The following P3H2 variants were observed in gnomAD, a reference collection of about 807,000 sequenced individuals.
The protein encoded by P3H2 is prolyl 3-hydroxylase 2.
A neutral mutation model predicts 87.0 loss-of-function variants in P3H2; 80 were observed. The observed-to-expected ratio is 0.92, with a 90% CI of 0.77 to 1.11. The LOEUF (loss-of-function observed/expected upper bound fraction) is 1.11. P3H2 is among the 50% of genes least tolerant of loss of function. The pLI, the probability that P3H2 is intolerant of heterozygous loss-of-function variation, is 0.00. For missense variants in P3H2, 1,001 were observed against 923.9 expected (o/e 1.08, Z -1.08); for synonymous variants, 367 against 359.3 (o/e 1.02, Z -0.24).
At chr3:189,969,493 G>C in intron 13 of P3H2, 1 of 971,972 alleles carries the variant, frequency 1.0e-6, no homozygotes, top group South Asian at 1.3e-5. Flanking sequence ...CATCATAGAG[G>C]GACTGAGGTC....
chr3:190,107,264 C>A (rs559416281), intron 1 of P3H2, among the ~76,000 whole-genome samples: 13 of 152,252 alleles, frequency 8.5e-5, no homozygotes, highest in African/African-American at 3.1e-4. Context: ...GATGGATATA[C>A]ATTTATACCT....
intron 1 of P3H2, among the ~76,000 whole-genome samples, chr3:190,085,428 T>C (rs1412137080): frequency 6.6e-6 from 1 of 152,202 alleles, no homozygotes; most frequent in Non-Finnish European, 1.5e-5. Context: ...GAATGGAGAA[T>C]AGAAATGTTG....
At chr3:189,963,803 T>A (rs552663354) in intron 14 of P3H2, 155 bp downstream of exon 14, 1 of 764,500 alleles carries the variant, frequency 1.3e-6, no homozygotes, top group South Asian at 1.5e-5. Flanking sequence ...TTGACACAGC[T>A]ATTTCTACAA....
intron 9 of P3H2, 95 bp from the exon 10 acceptor site, chr3:189,974,099 T>C: frequency 1.0e-6 from 1 of 970,898 alleles, no homozygotes; most frequent in Non-Finnish European, 1.7e-6. Context: ...AGAACTCTAG[T>C]CAATGCTAAG....
rs1239246279 is a variant in P3H2 at position 190,120,667 on chromosome 3, A to G, written c.65T>C (p.Leu22Pro). ...TGGGCTGTCCGGGGGGCCGCCCCAC[A>G]GTGGCGGCGGCAGTAGCAGCGGCAG... The part of the protein sequence containing the change: ...LLLPLLLPPP[L>P]WGGPPDSPRR... The change falls in exon 1 of 15, where the codon CTG becomes CCG. Residue 22 changes from leucine (L) to proline (P), a missense_variant. Transcript: ENST00000319332. 3 of 1,523,240 alleles carry G rather than the reference A, an allele frequency of 2.0e-6. No individual in the cohort carries two copies. The highest frequency in any genetic ancestry group is 2.6e-6 in the Non-Finnish European group (3 of 1,142,300). 94.4% of individuals were successfully genotyped at this position (1,523,240 alleles called of 1,614,324 possible).
At chr3:189,992,223 T>C (rs894240561) in intron 3 of P3H2, among the ~76,000 whole-genome samples, 11 of 152,190 alleles carry the variant, frequency 7.2e-5, no homozygotes, top group African/African-American at 2.6e-4. Context: ...GCCTCCTAAG[T>C]AGCTGGGATT....
chr3:190,055,280 G>A (rs573119565), intron 1 of P3H2, among the ~76,000 whole-genome samples: 6 of 151,748 alleles, frequency 4.0e-5, no homozygotes, highest in Non-Finnish European at 5.9e-5. Flanking sequence ...GTTTGTGTTC[G>A]TTTGGATAAA....
chr3:190,034,899 A>G (rs1381837145), intron 1 of P3H2, among the ~76,000 whole-genome samples: 3 of 144,150 alleles, frequency 2.1e-5, no homozygotes, highest in African/African-American at 7.8e-5. Context: ...CCCAGGCAGG[A>G]GTGCAGTGGT....
rs1448681427 is a variant in P3H2, at chr3:190,041,089, CTCTA to C, written c.481-45651_481-45648del. Among the ~76,000 whole-genome samples the C allele has an allele frequency of 2.1e-3, 69 of 32,584 alleles. 5 individuals carry two copies. Among genetic ancestry groups the C allele is most frequent in the African/African-American group, 0.012 (63 of 5,332 alleles). The allele number at this position is 32,584 out of a possible 152,430, so 21.4% of individuals were successfully genotyped here. ...ACACACACACACACACACTCTCTCT[CTCTA>C]TATATATATATATACTATATATATA... is the stretch of plus-strand genomic sequence containing the variant. On this transcript the variant is annotated intron_variant, in intron 1 of 14. Transcript: ENST00000319332.
intron 1 of P3H2, among the ~76,000 whole-genome samples, chr3:190,004,794 T>C (rs1724336476): frequency 1.3e-5 from 2 of 152,184 alleles, no homozygotes; most frequent in Non-Finnish European, 2.9e-5. Context: ...ACTCATATTT[T>C]GCCTGGTTTT....
At position 189,987,569 on chromosome 3, in the gene P3H2, C is replaced by A. The variant is rs983754434; in HGVS notation, c.1056G>T (p.Leu352=). The stretch of plus-strand genomic sequence containing the variant: ...ATGCCGGGTCAATGCTATCATCCAG[C>A]AGACTCTCATAGTAATCCACATTGT... ...VLDNVDYYES[L]LDDSIDPASI... is the part of the protein sequence containing the mutation. The change falls in exon 5 of 15, where the codon CTG becomes CTT. Residue 352 remains leucine (L), a synonymous_variant. Coordinates refer to ENST00000319332, the MANE Select transcript of P3H2 (RefSeq NM_018192.4). The A allele has an allele frequency of 6.2e-7, 1 of 1,614,068 alleles. No homozygotes were observed. Among genetic ancestry groups the A allele is most frequent in the Non-Finnish European group, 8.5e-7 (1 of 1,180,012 alleles).
chr3:190,076,919 G>A (rs1025790627), intron 1 of P3H2, among the ~76,000 whole-genome samples: 1 of 152,124 alleles, frequency 6.6e-6, no homozygotes, highest in Non-Finnish European at 1.5e-5. Context: ...TAGTCTTTTG[G>A]AGGAAAGGGT....
intron 1 of P3H2, among the ~76,000 whole-genome samples, chr3:190,020,673 G>A (rs149432309): frequency 7.5e-6 from 1 of 133,636 alleles, no homozygotes; most frequent in Non-Finnish European, 1.7e-5. Context: ...TGGGTCTCTA[G>A]GGTGAAGCCC....
At chr3:190,003,287 T>C (rs1013950519) in intron 1 of P3H2, among the ~76,000 whole-genome samples, 2 of 152,180 alleles carry the variant, frequency 1.3e-5, no homozygotes, top group African/African-American at 4.8e-5. Context: ...TACATTTTAG[T>C]GTTAAACACT....
intron 1 of P3H2, among the ~76,000 whole-genome samples, chr3:190,009,911 G>T (rs1724533666): frequency 6.6e-6 from 1 of 152,088 alleles, no homozygotes; most frequent in East Asian, 1.9e-4. Context: ...AAGTACTGTG[G>T]GAAAGGCTAT....
intron 14 of P3H2, among the ~76,000 whole-genome samples, chr3:189,959,231 T>TTC (rs752205845): frequency 0.38 from 57,054 of 149,894 alleles, 12,064 homozygotes; most frequent in African/African-American, 0.58. Context: ...CTGTCTCTTC[T>TTC]TTTTTTTTTC....
At chr3:190,062,859 C>A (rs1353191481) in intron 1 of P3H2, among the ~76,000 whole-genome samples, 1 of 152,006 alleles carries the variant, frequency 6.6e-6, no homozygotes, top group South Asian at 2.1e-4. Flanking sequence ...GGAAGCAAGA[C>A]CCTGGCATAA....
chr3:190,003,545 T>C (rs569787767), intron 1 of P3H2, among the ~76,000 whole-genome samples: 3 of 152,156 alleles, frequency 2.0e-5, no homozygotes, highest in Non-Finnish European at 4.4e-5. Context: ...AAGTGTGTGC[T>C]TTGAATTAGA....
chr3:189,997,870 T>C (rs893836849), intron 1 of P3H2, among the ~76,000 whole-genome samples: 3 of 152,186 alleles, frequency 2.0e-5, no homozygotes, highest in Admixed American at 1.3e-4. Flanking sequence ...AATAACTATA[T>C]AGGTATAAAG....
Sources: gnomAD v4.1 joint callset for allele counts (sites outside exome capture counted in the v4.1 genomes callset) on GRCh38, gnomAD v4.1.1 for gene constraint, MANE v1.5 for transcripts, NCBI Gene and HGNC (gene_info 2026-07-23, HGNC 2026-07-21) for gene names.